ADGRL4: variants seen among roughly 807,000 people sequenced by gnomAD.
ADGRL4 encodes adhesion G protein-coupled receptor L4.
ADGRL4 carries 90 observed loss-of-function variants against 74.8 expected under a neutral mutation model. That is an observed-to-expected ratio of 1.20 (90% CI 1.02 to 1.43). ADGRL4 has a LOEUF of 1.43. Ranked by LOEUF, ADGRL4 falls within the 40% of genes most tolerant of loss-of-function variation. ADGRL4 has a pLI of 0.00. For missense variants in ADGRL4, 881 were observed against 814.3 expected (o/e 1.08, Z -1.00); for synonymous variants, 311 against 279.2 (o/e 1.11, Z -1.14).
chr1:78,965,538 C>T (rs1449132128), intron 2 of ADGRL4, among the ~76,000 whole-genome samples: 1 of 152,004 alleles, frequency 6.6e-6, no homozygotes, highest in Non-Finnish European at 1.5e-5. Context: ...AAATAATTTA[C>T]CAACAAAAAG....
At chr1:78,901,001 T>A (rs368595262) in intron 12 of ADGRL4, among the ~76,000 whole-genome samples, 5 of 152,028 alleles carry the variant, frequency 3.3e-5, no homozygotes. Context: ...TTAAAATAAA[T>A]ACTAATTTAT....
At chr1:78,983,622 T>C (rs868654449) in intron 2 of ADGRL4, among the ~76,000 whole-genome samples, 4 of 151,860 alleles carry the variant, frequency 2.6e-5, no homozygotes, top group Admixed American at 6.6e-5. Context: ...GAACATTCAA[T>C]TGAAATTCCA....
chr1:78,972,018 G>A (rs1209518233), intron 2 of ADGRL4, among the ~76,000 whole-genome samples: 2 of 152,270 alleles, frequency 1.3e-5, no homozygotes, highest in African/African-American at 4.8e-5. Context: ...GCCTCCCAAA[G>A]TACTGAGATT....
intron 2 of ADGRL4, among the ~76,000 whole-genome samples, chr1:78,958,192 C>G (rs2100705500): frequency 6.6e-6 from 1 of 152,178 alleles, no homozygotes. Context: ...ATGGAGATGT[C>G]CCAGAAAATG....
At chr1:78,930,354 T>A (rs1649212535) in intron 7 of ADGRL4, among the ~76,000 whole-genome samples, 1 of 150,978 alleles carries the variant, frequency 6.6e-6, no homozygotes, top group South Asian at 2.1e-4. Flanking sequence ...ATCAGCAGGG[T>A]TTTTTCTAAA....
intron 3 of ADGRL4, 131 bp from the exon 4 acceptor site, chr1:78,939,389 T>A: frequency 9.9e-7 from 1 of 1,010,728 alleles, no homozygotes; most frequent in Non-Finnish European, 1.3e-6. Context: ...TTGAATTTCC[T>A]CTTCAGTTTT....
At chr1:78,897,942 G>A (rs1206101565) in intron 12 of ADGRL4, among the ~76,000 whole-genome samples, 1 of 151,976 alleles carries the variant, frequency 6.6e-6, no homozygotes, top group Non-Finnish European at 1.5e-5. Flanking sequence ...TTCTAACAGT[G>A]TCAAAGCTTT....
At chr1:78,944,745 C>A (rs973030515) in intron 3 of ADGRL4, among the ~76,000 whole-genome samples, 12 of 152,076 alleles carry the variant, frequency 7.9e-5, no homozygotes, top group African/African-American at 2.9e-4. Flanking sequence ...ATGTATGAAT[C>A]TAGAGTAGTC....
intron 12 of ADGRL4, among the ~76,000 whole-genome samples, chr1:78,903,866 G>A (rs978532945): frequency 2.0e-5 from 3 of 151,748 alleles, no homozygotes; most frequent in African/African-American, 7.3e-5. Flanking sequence ...AACCTGAGAG[G>A]TGGAGGTTGC....
intron 2 of ADGRL4, among the ~76,000 whole-genome samples, chr1:78,962,834 T>A (rs562007315): frequency 7.9e-5 from 12 of 152,260 alleles, no homozygotes; most frequent in African/African-American, 2.4e-4. Context: ...TATAGTTAAA[T>A]TCTATGGCTA....
chr1:78,917,719 A>G lies in ADGRL4; in HGVS notation c.1683-19T>C. 3 of 1,598,500 alleles carry G rather than the reference A, an allele frequency of 1.9e-6. No individual in the cohort carries two copies. The highest frequency in any genetic ancestry group is 1.3e-5 in the African/African-American group (1 of 74,074). On this transcript the variant is annotated intron_variant, in intron 11 of 14. Coordinates refer to ENST00000370742, the MANE Select transcript of ADGRL4 (RefSeq NM_022159.4). ...CCAACATCTGAAAAGTAAATAAAAG[A>G]TAGAATCTATAAATATGTTTGCATG... is the stretch of plus-strand genomic sequence containing the variant.
chr1:78,946,225 C>A, intron 3 of ADGRL4, 49 bp downstream of exon 3: 5 of 1,503,284 alleles, frequency 3.3e-6, no homozygotes, highest in South Asian at 1.4e-5. Context: ...CTGGAGGTAA[C>A]AAACAATAAG....
In ADGRL4 at chr1:78,918,028, C is replaced by G; in HGVS notation, c.1484G>C (p.Gly495Ala). ...AGCTAAAAAGAAGTAGTGTAGCAGTCCGGCAATGATTGAACAGAAGAGCTA... is the reference window on the plus strand; with the variant it reads ...AGCTAAAAAGAAGTAGTGTAGCAGTGCGGCAATGATTGAACAGAAGAGCTA... ...TNKLFCSIIA[G>A]LLHYFFLAAF... The change falls in exon 11 of 15, where the codon GGA becomes GCA. Residue 495 changes from glycine (G) to alanine (A), a missense_variant. Gly to Ala is a moderately conservative substitution (Grantham distance 60, BLOSUM62 0). Transcript: ENST00000370742. 1 of 1,610,622 alleles carries G rather than the reference C, an allele frequency of 6.2e-7. No homozygotes were observed. Among genetic ancestry groups the G allele is most frequent in the Non-Finnish European group, 8.5e-7 (1 of 1,178,058 alleles).
intron 12 of ADGRL4, among the ~76,000 whole-genome samples, chr1:78,908,511 A>AT (rs1425404911): frequency 8.6e-5 from 13 of 152,004 alleles, no homozygotes; most frequent in Admixed American, 6.6e-4. Context: ...GTAAAACATC[A>AT]TTTTTTATGA....
At position 78,933,290 on chromosome 1, in the gene ADGRL4, A is replaced by C. The variant is rs893907588; in HGVS notation, c.877+3005T>G. On this transcript the variant is annotated intron_variant, in intron 7 of 14. Transcript: ENST00000370742. Reference sequence around the variant, plus strand: ...CTGGTTCAACATACACAAATCAATAAATGTAATCCATCACATAAACAGAAC... The same window carrying C: ...CTGGTTCAACATACACAAATCAATACATGTAATCCATCACATAAACAGAAC... Among the ~76,000 whole-genome samples, 16 of 151,458 alleles carry C rather than the reference A, an allele frequency of 1.1e-4. 1 individual carries two copies. The highest frequency in any genetic ancestry group is 3.2e-4 in the African/African-American group (13 of 40,762).
Position 78,959,733 on chromosome 1 carries a change from C to G in ADGRL4, c.173-13307G>C, listed in dbSNP as rs138913807. ...ATTCTAACATTTTACTTTCTTAAAACTGTTGATAAAAGTATACTGAACCAG... is the reference window on the plus strand; with the variant it reads ...ATTCTAACATTTTACTTTCTTAAAAGTGTTGATAAAAGTATACTGAACCAG... On this transcript the variant is annotated intron_variant, in intron 2 of 14. Transcript: ENST00000370742. Among the ~76,000 whole-genome samples, 10 of 152,228 alleles carry G rather than the reference C, an allele frequency of 6.6e-5. No homozygotes were observed. In the East Asian group the frequency reaches 1.9e-3, roughly 29 times the overall value.
At chr1:78,908,209 A>G (rs1017200004) in intron 12 of ADGRL4, among the ~76,000 whole-genome samples, 1 of 151,972 alleles carries the variant, frequency 6.6e-6, no homozygotes, top group Non-Finnish European at 1.5e-5. Context: ...CTTGTAGTAG[A>G]TCAGCTTGGG....
chr1:78,936,300 G>C lies in ADGRL4; in HGVS notation c.872C>G (p.Ser291Ter), dbSNP rs759008912. 3 of 1,590,694 alleles carry C rather than the reference G, an allele frequency of 1.9e-6. No individual in the cohort carries two copies. In the South Asian group the frequency reaches 3.5e-5, roughly 18 times the overall value. Residue 291 changes from serine (S) to a stop codon, truncating the protein, a stop_gained, in exon 7 of 15, where the codon TCA becomes TGA. Transcript: ENST00000370742. LOFTEE classifies it high-confidence loss of function. ...IFPKRKAAYD[S>*]NGNVAVAFVY... ...TTAGATTGTTAAAGTCCTACCATTT[G>C]AATCATATGCAGCTTTTCTCTTTGG...
chr1:78,893,241 T>C (rs1648326598), intron 12 of ADGRL4, 52 bp from the exon 13 acceptor site: 1 of 1,088,860 alleles, frequency 9.2e-7, no homozygotes, highest in East Asian at 2.5e-5. Flanking sequence ...TTAAATTGGA[T>C]ACATATAAAG....
Sources: allele counts gnomAD v4.1 joint callset (sites outside exome capture counted in the v4.1 genomes callset), GRCh38; gene constraint gnomAD v4.1.1; transcripts MANE v1.5; gene names NCBI Gene and HGNC (gene_info 2026-07-23, HGNC 2026-07-21).